Variants in BRSK2 observed in about 807,000 individuals in gnomAD.
The protein encoded by BRSK2 is BR serine/threonine kinase 2, also known as serine/threonine-protein kinase BRSK2.
A neutral mutation model predicts 83.3 loss-of-function variants in BRSK2; 19 were observed. The observed-to-expected ratio is 0.23, with a 90% confidence interval of 0.16 to 0.33. BRSK2 has a LOEUF of 0.33. Ranked by LOEUF, BRSK2 falls within the 10% of genes least tolerant of loss-of-function variation. The probability of loss-of-function intolerance (pLI) is 1.00; values close to 1 mark genes in which losing one functional copy is unlikely to be tolerated. For missense variants in BRSK2, 798 were observed against 1,042.3 expected (o/e 0.77, Z 3.23); for synonymous variants, 519 against 435.4 (o/e 1.19, Z -2.39).
chr11:1,440,663 G>A (rs1351711612), intron 3 of BRSK2, 125 bp from the exon 4 acceptor site: 17 of 1,174,962 alleles, frequency 1.4e-5, no homozygotes, highest in Non-Finnish European at 1.5e-5. Context: ...TGCCCCCCCA[G>A]CCAGCAAGAG....
chr11:1,453,243 C>T (rs1244338571), intron 15 of BRSK2, among the ~76,000 whole-genome samples: 1 of 152,242 alleles, frequency 6.6e-6, no homozygotes, highest in Non-Finnish European at 1.5e-5. Flanking sequence ...GCTGGAGTCA[C>T]AGTGCAGGCC....
intron 5 of BRSK2, among the ~76,000 whole-genome samples, 173 bp from the exon 6 acceptor site, chr11:1,442,933 G>A (rs778886496): frequency 6.6e-6 from 1 of 152,152 alleles, no homozygotes; most frequent in Non-Finnish European, 1.5e-5. Flanking sequence ...CAGAGACCCA[G>A]TGCCCCACCT....
In BRSK2 at chr11:1,451,380, C is replaced by T. The variant is rs765073528; in HGVS notation, c.1505C>T (p.Pro502Leu). ...FHRRKLQVPT[P>L]EEMSNLTPES... is the part of the protein sequence containing the mutation. ...CATCCTGTGTGCACAGTTCCGACGCCGGAGGAGATGTCCAACCTGACACCA... is the reference window on the plus strand; with the variant it reads ...CATCCTGTGTGCACAGTTCCGACGCTGGAGGAGATGTCCAACCTGACACCA... Residue 502 changes from proline to leucine, a missense_variant, in exon 15 of 20, where the codon CCG (proline) becomes CTG (leucine). Pro to Leu is a moderately conservative substitution (Grantham distance 98, BLOSUM62 -3). Coordinates refer to ENST00000528841, the MANE Select transcript of BRSK2 (RefSeq NM_001256627.2). 1.4e-5 allele frequency: 22 copies of T among 1,612,832 alleles called. No homozygotes were observed. Among genetic ancestry groups the T allele is most frequent in the African/African-American group, 5.3e-5 (4 of 74,932 alleles).
chr11:1,459,904 G>T (rs1372595621), intron 19 of BRSK2, among the ~76,000 whole-genome samples: 1 of 152,166 alleles, frequency 6.6e-6, no homozygotes. Context: ...CAGGGGTCGG[G>T]CTTCAGGCCT....
chr11:1,456,699 T>C lies in BRSK2; in HGVS notation c.1939+12T>C. ...CCAGCACTTGTCAGGTGAGGCGGGC[T>C]CAGCTCCGGCCAACCTGCGGCCTGC... On this transcript the variant is annotated intron_variant, in intron 18 of 19. Coordinates refer to ENST00000528841, the MANE Select transcript of BRSK2 (RefSeq NM_001256627.2). 1 of 1,581,378 alleles carries C rather than the reference T, an allele frequency of 6.3e-7. No individual in the cohort carries two copies. The highest frequency in any genetic ancestry group is 1.2e-5 in the South Asian group (1 of 86,864).
rs536491941 is a variant in BRSK2 at position 1,438,725 on chromosome 11, C to T, written c.272+334C>T. 8.5e-5 allele frequency among the ~76,000 whole-genome samples: 13 copies of T among 152,262 alleles called. No individual in the cohort carries two copies. Among genetic ancestry groups the T allele is most frequent in the African/African-American group, 2.4e-4 (10 of 41,558 alleles). On this transcript the variant is annotated intron_variant, in intron 3 of 19. Transcript: ENST00000528841. The surrounding 1 kb of genome is among the most constrained non-coding windows in gnomAD (Gnocchi z 6.4). The stretch of plus-strand genomic sequence containing the variant: ...GCACCTGGCCCTCCCCACATGGCCA[C>T]GCTGAGCCTCCTGGCCTCTGCCCAG...
chr11:1,421,036 GGAT>G (rs1848588410), intron 1 of BRSK2, among the ~76,000 whole-genome samples: 1 of 152,182 alleles, frequency 6.6e-6, no homozygotes, highest in South Asian at 2.1e-4. Flanking sequence ...AGGGGCTTTG[GGAT>G]GCTCAGAGTG....
intron 1 of BRSK2, among the ~76,000 whole-genome samples, chr11:1,429,466 G>A (rs571751184): frequency 1.4e-4 from 22 of 152,286 alleles, no homozygotes; most frequent in African/African-American, 5.1e-4. Context: ...ATGTCTGTGT[G>A]CGTGGCCACA....
rs867605492 is a variant in BRSK2 at position 1,443,281 on chromosome 11, A to G, written c.565-54A>G. The G allele has an allele frequency of 5.1e-6, 8 of 1,553,456 alleles. No homozygotes were observed. The Middle Eastern group carries it at 6.7e-4, about 129-fold the overall frequency. On this transcript the variant is annotated intron_variant, in intron 6 of 19. Coordinates refer to ENST00000528841, the MANE Select transcript of BRSK2 (RefSeq NM_001256627.2). Reference sequence around the variant, plus strand: ...GACTCCCTCTGAGCCCAGGCCCTCCAAGGCCCCCGCCCTGCCCTGCGCCCC... The same window carrying G: ...GACTCCCTCTGAGCCCAGGCCCTCCGAGGCCCCCGCCCTGCCCTGCGCCCC...
intron 1 of BRSK2, among the ~76,000 whole-genome samples, chr11:1,413,084 G>A (rs1489628019): frequency 6.6e-6 from 1 of 152,140 alleles, no homozygotes; most frequent in Non-Finnish European, 1.5e-5. Context: ...GGAGGATGGG[G>A]CTGGGCAGGG....
In BRSK2 at chr11:1,454,866, C is replaced by T. The variant is rs1846286210; in HGVS notation, c.1668+258C>T. On this transcript the variant is annotated intron_variant, in intron 16 of 19. Coordinates refer to ENST00000528841, the MANE Select transcript of BRSK2 (RefSeq NM_001256627.2). This position sits in a 1 kb window ranked among gnomAD's most constrained non-coding sequence, Gnocchi z 5.2. ...GGCTTTGCTCACTGGTCCCCAGCAG[C>T]CCTAGGTGTGTGCCGGACAGGCCTG... 6.6e-6 allele frequency among the ~76,000 whole-genome samples: 1 copy of T among 152,200 alleles called. No homozygotes were observed.
chr11:1,455,310 C>G (rs1166885729), intron 16 of BRSK2, among the ~76,000 whole-genome samples: 1 of 138,620 alleles, frequency 7.2e-6, no homozygotes, highest in Non-Finnish European at 1.6e-5. Flanking sequence ...GGCTGCCCCC[C>G]ACCCGCCTCC....
chr11:1,423,237 G>A lies in BRSK2; in HGVS notation c.92-12803G>A, dbSNP rs547796437. Among the ~76,000 whole-genome samples the A allele has an allele frequency of 5.3e-4, 81 of 152,204 alleles. No individual in the cohort carries two copies. Among genetic ancestry groups the A allele is most frequent in the South Asian group, 3.7e-3 (18 of 4,818 alleles). On this transcript the variant is annotated intron_variant, in intron 1 of 19. Transcript: ENST00000528841. The surrounding 1 kb of genome is among the most constrained non-coding windows in gnomAD (Gnocchi z 6.5). Reference sequence around the variant, plus strand: ...GGTACGTGGTGGAGACGGTGGGGTCGTGGCCGTCCAGGCTTCAGAAACGGC... The same window carrying A: ...GGTACGTGGTGGAGACGGTGGGGTCATGGCCGTCCAGGCTTCAGAAACGGC...
chr11:1,446,115 C>T (rs1312835237), intron 12 of BRSK2, among the ~76,000 whole-genome samples: 1 of 129,936 alleles, frequency 7.7e-6, no homozygotes, highest in African/African-American at 3.0e-5. Flanking sequence ...GGGCTGGGAG[C>T]TGAGCTGGGC....
chr11:1,455,838 C>T lies in BRSK2; in HGVS notation c.1669-510C>T, dbSNP rs376793636. Among the ~76,000 whole-genome samples, 43 of 152,214 alleles carry T rather than the reference C, an allele frequency of 2.8e-4. No individual in the cohort carries two copies. The East Asian group carries it at 6.8e-3, about 24-fold the overall frequency. ...CTGAGTTCTGCTTCCTGCAGCTGCC[C>T]CCTCGGTACTGTGAAGCCCACCCAG... On this transcript the variant is annotated intron_variant, in intron 16 of 19. Coordinates refer to ENST00000528841, the MANE Select transcript of BRSK2 (RefSeq NM_001256627.2).
rs1420817316 is a variant in BRSK2 at position 1,456,673 on chromosome 11, C to A, written c.1925C>A (p.Ala642Asp). 2 of 1,605,912 alleles carry A rather than the reference C, an allele frequency of 1.2e-6. No homozygotes were observed. Among genetic ancestry groups the A allele is most frequent in the East Asian group, 2.2e-5 (1 of 44,608 alleles). ...CTGAGCACACACGACCCGCCTGCGG[C>A]CCAGCACTTGTCAGGTGAGGCGGGC... Reference protein sequence around the residue: ...QLLSTHDPPAAQHLSDTTNCM... With the variant: ...QLLSTHDPPADQHLSDTTNCM... The change falls in exon 18 of 20, where the codon GCC (alanine) becomes GAC (aspartate). Residue 642 changes from alanine (A) to aspartate (D), a missense_variant. Coordinates refer to ENST00000528841, the MANE Select transcript of BRSK2 (RefSeq NM_001256627.2).
At chr11:1,410,909 G>T in intron 1 of BRSK2, 1 of 987,844 alleles carries the variant, frequency 1.0e-6, no homozygotes, top group Non-Finnish European at 1.2e-6. Context: ...TGCAGAAGGT[G>T]GGTGTTCCCC....
In BRSK2 at chr11:1,461,297, G is replaced by A. The variant is rs754621949; in HGVS notation, c.*574G>A. 44 of 457,238 alleles carry A rather than the reference G, an allele frequency of 9.6e-5. No homozygotes were observed. Among genetic ancestry groups the A allele is most frequent in the Non-Finnish European group, 1.5e-4 (39 of 257,248 alleles). 28.3% of individuals were successfully genotyped at this position (457,238 alleles called of 1,614,324 possible). A position where few individuals can be genotyped will look rare whatever the true frequency, so the allele number is the denominator to read the frequency against. ...GCCACAGGAACAGGCCCCGTCCACC[G>A]CCTCCACGCCGCACCTGGAGGCCTC... On this transcript the variant is annotated 3_prime_UTR_variant, in exon 20 of 20. Transcript: ENST00000528841.
intron 15 of BRSK2, 58 bp downstream of exon 15, chr11:1,451,477 G>A: frequency 2.5e-6 from 4 of 1,575,056 alleles, no homozygotes; most frequent in South Asian, 1.1e-5. Context: ...CCGGGAGAGG[G>A]GCATGGAACC....
Sources: gnomAD v4.1 joint callset for allele counts (sites outside exome capture counted in the v4.1 genomes callset) on GRCh38, gnomAD v4.1.1 for gene constraint, Gnocchi (gnomAD v3.1) non-coding constraint, MANE v1.5 for transcripts, NCBI Gene and HGNC (gene_info 2026-07-23, HGNC 2026-07-21) for gene names.